Variants in KCNG1 observed in about 807,000 individuals in gnomAD.
KCNG1 encodes the protein voltage-gated potassium channel regulatory subunit KCNG1.
Under a neutral mutation model 32.4 loss-of-function variants are expected in KCNG1, and 17 were observed. That is an observed-to-expected ratio of 0.52 (90% CI 0.36 to 0.79). The LOEUF is 0.79. Ranked by LOEUF, KCNG1 falls within the 30% of genes least tolerant of loss-of-function variation. The probability of loss-of-function intolerance (pLI) is 0.00; values close to 1 mark genes in which losing one functional copy is unlikely to be tolerated. For synonymous variants in KCNG1, 358 were observed against 339.9 expected (o/e 1.05, Z -0.59); for missense variants, 441 against 735.2 (o/e 0.60, Z 4.63).
At chr20:51,016,753 G>A (rs1988294411) in intron 1 of KCNG1, among the ~76,000 whole-genome samples, 1 of 152,160 alleles carries the variant, frequency 6.6e-6, no homozygotes, top group African/African-American at 2.4e-5. Flanking sequence ...CTCAATAGTC[G>A]CCTTGGAATT....
At chr20:51,018,504 G>C (rs563764419) in intron 1 of KCNG1, among the ~76,000 whole-genome samples, 1 of 152,132 alleles carries the variant, frequency 6.6e-6, no homozygotes, top group Non-Finnish European at 1.5e-5. Context: ...GGGCCTCTCT[G>C]GACCCTGTTC....
At chr20:51,019,433 C>A (rs1306259897) in intron 1 of KCNG1, among the ~76,000 whole-genome samples, 1 of 151,980 alleles carries the variant, frequency 6.6e-6, no homozygotes, top group Non-Finnish European at 1.5e-5. Flanking sequence ...ATCACTTGAG[C>A]CCAGGAGGTC....
Position 51,004,397 on chromosome 20 carries a change from A to G in KCNG1, c.1184T>C (p.Leu395Pro), listed in dbSNP as rs775780577. The G allele has an allele frequency of 6.2e-7, 1 of 1,613,230 alleles. No homozygotes were observed. ...GGCCATCTCGTTCTCGATGACGTAG[A>G]GCAGGGGCGCGAAGAGGGCGATGGC... ...CVAIALFAPLLYVIENEMADS... is the reference protein window; with the variant it reads ...CVAIALFAPLPYVIENEMADS... The change falls in exon 3 of 3, where the codon CTC becomes CCC. Residue 395 changes from leucine to proline, a missense_variant. Around this residue, in one of 6 missense-constraint regions of KCNG1, gnomAD observed 169 missense variants for 297.7 expected, o/e 0.57. Coordinates refer to ENST00000371571, the MANE Select transcript of KCNG1 (RefSeq NM_002237.4). The surrounding 1 kb of genome is among the most constrained non-coding windows in gnomAD (Gnocchi z 4.3).
intron 2 of KCNG1, among the ~76,000 whole-genome samples, chr20:51,008,526 T>A (rs1194423082): frequency 6.6e-6 from 1 of 150,482 alleles, no homozygotes; most frequent in Non-Finnish European, 1.5e-5. Context: ...AAAGACGGGG[T>A]CTCACTACAT....
chr20:51,006,299 G>T (rs1488959896), intron 2 of KCNG1: 1 of 152,176 alleles, frequency 6.6e-6, no homozygotes, highest in Non-Finnish European at 1.5e-5. Flanking sequence ...TTTTCAAAAA[G>T]CAAGTATCAG....
chr20:51,009,743 G>T lies in KCNG1; in HGVS notation c.596C>A (p.Pro199Gln), dbSNP rs1568799042. The T allele has an allele frequency of 6.2e-7, 1 of 1,608,154 alleles. No individual in the cohort carries two copies. The highest frequency in any genetic ancestry group is 2.2e-5 in the East Asian group (1 of 44,842). Residue 199 changes from proline to glutamine, a missense_variant, in exon 2 of 3, where the codon CCG becomes CAG. Pro to Gln is a moderately conservative substitution (Grantham distance 76). Around this residue, in one of 6 missense-constraint regions of KCNG1, gnomAD observed 52 missense variants for 50.3 expected, o/e 1.03. Transcript: ENST00000371571. The stretch of plus-strand genomic sequence containing the variant: ...CCCCAGGCGGCCCTCGCCCTCGGCC[G>T]GGCCCTCGCTGTCGCGGCCCTCGCT... The part of the protein sequence containing the change: ...LDSEGRDSEG[P>Q]AEGEGRLGRC...
At chr20:51,009,493 T>C in intron 2 of KCNG1, 72 bp downstream of exon 2, 1 of 1,464,616 alleles carries the variant, frequency 6.8e-7, no homozygotes, top group Non-Finnish European at 9.1e-7. Flanking sequence ...GGAGGCTTTC[T>C]GGAGGAGGTG....
chr20:51,022,680 C>G (rs1439857315), intron 1 of KCNG1, 190 bp downstream of exon 1: 1 of 152,304 alleles, frequency 6.6e-6, no homozygotes, highest in Non-Finnish European at 1.5e-5. Flanking sequence ...GCGCTCCACG[C>G]CGCCACGCAC....
At position 51,004,719 on chromosome 20, in the gene KCNG1, T is replaced by G. The variant is rs1009163679; in HGVS notation, c.862A>C (p.Ile288Leu). ...WFSLEFLLRL[I>L]QAPSKFAFLR... ...AAGGCGAACTTGCTGGGCGCCTGAATGAGCCGCAGGAGGAACTCCAGGGAG... is the reference window on the plus strand; with the variant it reads ...AAGGCGAACTTGCTGGGCGCCTGAAGGAGCCGCAGGAGGAACTCCAGGGAG... The change falls in exon 3 of 3, where the codon ATT becomes CTT. Residue 288 changes from isoleucine to leucine, a missense_variant. Coordinates refer to ENST00000371571, the MANE Select transcript of KCNG1 (RefSeq NM_002237.4). This position sits in a 1 kb window ranked among gnomAD's most constrained non-coding sequence, Gnocchi z 4.3. The G allele has an allele frequency of 6.3e-7, 1 of 1,595,904 alleles. No individual in the cohort carries two copies. Among genetic ancestry groups the G allele is most frequent in the Non-Finnish European group, 8.5e-7 (1 of 1,171,304 alleles).
intron 1 of KCNG1, among the ~76,000 whole-genome samples, chr20:51,014,616 A>G (rs578021101): frequency 6.6e-6 from 1 of 152,310 alleles, no homozygotes; most frequent in South Asian, 2.1e-4. Flanking sequence ...CAGACTCTGT[A>G]TTAGAGCCGG....
Position 51,014,967 on chromosome 20 carries a change from C to G in KCNG1, c.-26-4603G>C, listed in dbSNP as rs549490660. Among the ~76,000 whole-genome samples, 21 of 151,922 alleles carry G rather than the reference C, an allele frequency of 1.4e-4. 1 individual carries two copies. The South Asian group carries it at 4.4e-3, about 32-fold the overall frequency. ...AGACCAGAGAATGCAGAGCACAGAGCGAGGGGAAGCTGGGAGAAGAGGAGA... is the reference window on the plus strand; with the variant it reads ...AGACCAGAGAATGCAGAGCACAGAGGGAGGGGAAGCTGGGAGAAGAGGAGA... On this transcript the variant is annotated intron_variant, in intron 1 of 2. Transcript: ENST00000371571.
chr20:51,009,785 T>A lies in KCNG1; in HGVS notation c.554A>T (p.Glu185Val), dbSNP rs1987991824. The change falls in exon 2 of 3, where the codon GAG (glutamate) becomes GTG (valine). Residue 185 changes from glutamate (E) to valine (V), a missense_variant. Glu to Val is a moderately radical substitution (Grantham distance 121, BLOSUM62 -2). Around this residue, in one of 6 missense-constraint regions of KCNG1, gnomAD observed 52 missense variants for 50.3 expected, o/e 1.03. Coordinates refer to ENST00000371571, the MANE Select transcript of KCNG1 (RefSeq NM_002237.4). ...EFAEMVEREE[E>V]DDALDSEGRD... Reference sequence around the variant, plus strand: ...GCCCTCGCTGTCCAGCGCGTCGTCCTCTTCCTCCCGCTCCACCATCTCCGC... The same window carrying A: ...GCCCTCGCTGTCCAGCGCGTCGTCCACTTCCTCCCGCTCCACCATCTCCGC... 6.2e-7 allele frequency: 1 copy of A among 1,611,980 alleles called. No homozygotes were observed. Among genetic ancestry groups the A allele is most frequent in the African/African-American group, 1.3e-5 (1 of 75,034 alleles).
At chr20:51,009,535 C>T (rs1367215084) in intron 2 of KCNG1, 30 bp downstream of exon 2, 8 of 1,545,468 alleles carry the variant, frequency 5.2e-6, no homozygotes, top group East Asian at 4.7e-5. Context: ...CTCGTGGTGG[C>T]GCGTTTCCCC....
rs562312021 is a variant in KCNG1 at position 51,010,534 on chromosome 20, G to C, written c.-26-170C>G. On this transcript the variant is annotated intron_variant, in intron 1 of 2. Transcript: ENST00000371571. Reference sequence around the variant, plus strand: ...TGGTATTAGGAGGTGGGGCCTTTGAGATGTCATTTGGTTCAGATGTGGTTA... The same window carrying C: ...TGGTATTAGGAGGTGGGGCCTTTGACATGTCATTTGGTTCAGATGTGGTTA... Among the ~76,000 whole-genome samples, 65 of 152,338 alleles carry C rather than the reference G, an allele frequency of 4.3e-4. No homozygotes were observed. The South Asian group carries it at 0.013, about 30-fold the overall frequency.
intron 1 of KCNG1, among the ~76,000 whole-genome samples, chr20:51,019,994 C>T (rs1261682426): frequency 2.0e-5 from 3 of 152,224 alleles, no homozygotes; most frequent in Admixed American, 6.5e-5. Context: ...AGTCCCACCA[C>T]CCTGGGCCTT....
chr20:51,020,456 A>T (rs957956104), intron 1 of KCNG1, among the ~76,000 whole-genome samples: 1 of 152,106 alleles, frequency 6.6e-6, no homozygotes, highest in African/African-American at 2.4e-5. Context: ...CACAATTCAG[A>T]TCCTATTTGT....
Position 51,004,771 on chromosome 20 carries a change from G to C in KCNG1, c.810C>G (p.Ile270Met). Residue 270 changes from isoleucine (I) to methionine (M), a missense_variant, in exon 3 of 3, where the codon ATC (isoleucine) becomes ATG (methionine). Coordinates refer to ENST00000371571, the MANE Select transcript of KCNG1 (RefSeq NM_002237.4). The surrounding 1 kb of genome is among the most constrained non-coding windows in gnomAD (Gnocchi z 4.3). Reference protein sequence around the residue: ...HCSQMCHNVFIVESVCVGWFS... With the variant: ...HCSQMCHNVFMVESVCVGWFS... The stretch of plus-strand genomic sequence containing the variant: ...ACCAGCCCACGCACACCGACTCCAC[G>C]ATGAAGACGTTGTGGCACATCTGGG... 1 of 1,584,470 alleles carries C rather than the reference G, an allele frequency of 6.3e-7. No homozygotes were observed. The highest frequency in any genetic ancestry group is 1.1e-5 in the South Asian group (1 of 87,038).
intron 1 of KCNG1, among the ~76,000 whole-genome samples, chr20:51,010,621 G>A (rs1441060055): frequency 3.3e-5 from 5 of 152,190 alleles, no homozygotes; most frequent in African/African-American, 7.2e-5. Flanking sequence ...CAGGCCGGGC[G>A]CGGTGGCTCA....
Position 51,015,878 on chromosome 20 carries a change from G to A in KCNG1, c.-26-5514C>T, listed in dbSNP as rs1419885814. On this transcript the variant is annotated intron_variant, in intron 1 of 2. Transcript: ENST00000371571. This position sits in a 1 kb window ranked among gnomAD's most constrained non-coding sequence, Gnocchi z 4.4. ...AGGAGATGGAGCGGCAGAGGGCTGC[G>A]GCATGAGAATGACTCCACTGGCCAC... 6.6e-6 allele frequency among the ~76,000 whole-genome samples: 1 copy of A among 152,176 alleles called. No homozygotes were observed. Among genetic ancestry groups the A allele is most frequent in the East Asian group, 1.9e-4 (1 of 5,198 alleles).
Sources: gnomAD v4.1 joint callset for allele counts (sites outside exome capture counted in the v4.1 genomes callset) on GRCh38, gnomAD v4.1.1 for gene constraint, gnomAD v4.1.1 regional missense constraint, Gnocchi (gnomAD v3.1) non-coding constraint, MANE v1.5 for transcripts, NCBI Gene and HGNC (gene_info 2026-07-23, HGNC 2026-07-21) for gene names.